FMN1: variants seen among roughly 807,000 people sequenced by gnomAD.
The protein encoded by FMN1 is formin-1.
Under a neutral mutation model 132.4 loss-of-function variants are expected in FMN1, and 110 were observed. The observed-to-expected ratio is 0.83, with a 90% CI of 0.71 to 0.97. The LOEUF (loss-of-function observed/expected upper bound fraction) is 0.97. Ranked by LOEUF, FMN1 falls within the 50% of genes least tolerant of loss-of-function variation. The pLI is 0.00. For synonymous variants in FMN1, 722 were observed against 651.7 expected, an observed-to-expected ratio of 1.11 and a Z score of -1.64; for missense variants, 1,792 against 1,705.3, an observed-to-expected ratio of 1.05 and a Z score of -0.90.
intron 10 of FMN1, among the ~76,000 whole-genome samples, chr15:32,923,982 G>A (rs918113853): frequency 2.6e-5 from 4 of 152,170 alleles, no homozygotes; most frequent in African/African-American, 9.7e-5. Flanking sequence ...GATACCTGAA[G>A]AATCCCTAAC....
chr15:33,020,109 C>T (rs7169282), intron 6 of FMN1, among the ~76,000 whole-genome samples: 2 of 152,192 alleles, frequency 1.3e-5, no homozygotes, highest in Non-Finnish European at 2.9e-5. Context: ...TCTAAAGAGG[C>T]TGGGGGTTGT....
intron 19 of FMN1, among the ~76,000 whole-genome samples, chr15:32,777,741 A>C (rs2056495773): frequency 7.1e-6 from 1 of 140,794 alleles, no homozygotes. Flanking sequence ...TAATACATTT[A>C]CTTATATATT....
At chr15:33,113,453 G>A (rs2039791928) in intron 4 of FMN1, among the ~76,000 whole-genome samples, 1 of 151,896 alleles carries the variant, frequency 6.6e-6, no homozygotes, top group East Asian at 1.9e-4. Flanking sequence ...TACTGTTTAT[G>A]TAACATAGAT....
chr15:33,163,223 A>T (rs574589664), intron 3 of FMN1, among the ~76,000 whole-genome samples: 1 of 152,298 alleles, frequency 6.6e-6, no homozygotes, highest in African/African-American at 2.4e-5. Context: ...TGAGAATGCT[A>T]GTGGTTAAGA....
chr15:32,877,984 G>A (rs900912530), intron 16 of FMN1, among the ~76,000 whole-genome samples: 7 of 152,050 alleles, frequency 4.6e-5, no homozygotes, highest in African/African-American at 1.7e-4. Flanking sequence ...AGCTGGTGGA[G>A]GAAGAGAAAA....
chr15:32,863,314 G>A (rs1182556315), intron 16 of FMN1, among the ~76,000 whole-genome samples: 1 of 152,192 alleles, frequency 6.6e-6, no homozygotes, highest in Non-Finnish European at 1.5e-5. Flanking sequence ...GCGGGCACCT[G>A]TAGTCCCAAC....
At chr15:33,124,654 T>C (rs975962953) in intron 4 of FMN1, among the ~76,000 whole-genome samples, 2 of 152,126 alleles carry the variant, frequency 1.3e-5, no homozygotes, top group African/African-American at 4.8e-5. Context: ...CTGTGTTCTT[T>C]TCAATAAAAA....
chr15:33,054,479 T>A lies in FMN1; in HGVS notation c.2161+10478A>T, dbSNP rs372504581. ...AAGGTGCCCTTCCGCAAAAAAACTT[T>A]CAGGATGTAAAAACTGGTTCCTGTA... On this transcript the variant is annotated intron_variant, in intron 6 of 20. Transcript: ENST00000616417. Among the ~76,000 whole-genome samples the A allele has an allele frequency of 1.4e-4, 21 of 152,318 alleles. No individual in the cohort carries two copies. In the East Asian group the frequency reaches 3.9e-3, roughly 28 times the overall value.
At chr15:32,900,724 T>C (rs979396357) in intron 13 of FMN1, among the ~76,000 whole-genome samples, 1 of 152,252 alleles carries the variant, frequency 6.6e-6, no homozygotes, top group Non-Finnish European at 1.5e-5. Context: ...AATTTCAAGC[T>C]GCTTAGGATT....
chr15:33,148,312 T>G (rs1259039925), intron 4 of FMN1, among the ~76,000 whole-genome samples: 1 of 152,178 alleles, frequency 6.6e-6, no homozygotes, highest in Non-Finnish European at 1.5e-5. Flanking sequence ...TAGACGTCAT[T>G]CTACCGAAGT....
rs373274569 is a variant in FMN1 at position 33,067,611 on chromosome 15, C to G, written c.2044-2537G>C. The G allele has an allele frequency of 3.1e-6, 5 of 1,613,880 alleles. No individual in the cohort carries two copies. The African/African-American group carries it at 6.7e-5, about 22-fold the overall frequency. ...ACGCTTGCAATTTTCTCATCATTTC[C>G]GAGGTCAGGTGAAACCCGAGACCCT... On this transcript the variant is annotated intron_variant, in intron 5 of 20. Transcript: ENST00000616417.
chr15:33,102,553 CCT>C (rs766717553), intron 4 of FMN1, among the ~76,000 whole-genome samples: 20 of 152,146 alleles, frequency 1.3e-4, no homozygotes, highest in African/African-American at 2.4e-4. Context: ...CCTCCTTCTC[CCT>C]GTCTTCTCTT....
chr15:32,862,800 G>C (rs1304123322), intron 16 of FMN1, among the ~76,000 whole-genome samples: 2 of 152,198 alleles, frequency 1.3e-5, no homozygotes, highest in Admixed American at 6.5e-5. Context: ...TGTGGGCTTA[G>C]TTAAGTCAGA....
intron 17 of FMN1, among the ~76,000 whole-genome samples, chr15:32,825,151 T>C (rs2058332109): frequency 6.6e-6 from 1 of 152,260 alleles, no homozygotes; most frequent in Non-Finnish European, 1.5e-5. Context: ...ATGCTCATTT[T>C]TCACCTGAGC....
intron 17 of FMN1, among the ~76,000 whole-genome samples, chr15:32,844,257 C>CT: frequency 6.6e-6 from 1 of 152,252 alleles, no homozygotes; most frequent in East Asian, 1.9e-4. Flanking sequence ...CTTTTTCCAT[C>CT]ATTTTTAGCT....
At chr15:33,007,983 G>C (rs2034506715) in intron 7 of FMN1, 31 bp downstream of exon 7, 1 of 1,565,786 alleles carries the variant, frequency 6.4e-7, no homozygotes, top group Non-Finnish European at 8.7e-7. Flanking sequence ...CAGTTCTATA[G>C]AACCCGTTCA....
chr15:32,840,943 C>A (rs1397182731), intron 17 of FMN1, among the ~76,000 whole-genome samples: 1 of 152,214 alleles, frequency 6.6e-6, no homozygotes, highest in Admixed American at 6.5e-5. Context: ...ACAGGAGTGT[C>A]ACACAGTACA....
intron 10 of FMN1, 36 bp downstream of exon 10, chr15:32,926,138 G>A: frequency 1.7e-6 from 2 of 1,154,252 alleles, no homozygotes; most frequent in Middle Eastern, 2.1e-4. Context: ...TTTAAAAAAT[G>A]GAAAAAGTAA....
At chr15:33,183,400 A>G (rs1019643175) in intron 2 of FMN1, among the ~76,000 whole-genome samples, 3 of 152,228 alleles carry the variant, frequency 2.0e-5, no homozygotes, top group African/African-American at 7.2e-5. Flanking sequence ...CTGAGGATAG[A>G]GAAATACCAA....
Sources: allele counts gnomAD v4.1 joint callset (sites outside exome capture counted in the v4.1 genomes callset), GRCh38; gene constraint gnomAD v4.1.1; transcripts MANE v1.5; gene names NCBI Gene and HGNC (gene_info 2026-07-23, HGNC 2026-07-21).